The following ACIN1 variants were observed in gnomAD, a reference collection of about 807,000 sequenced individuals.
The protein encoded by ACIN1 is apoptotic chromatin condensation inducer 1.
ACIN1 carries 16 observed loss-of-function variants against 146.6 expected under a neutral mutation model. That is an observed-to-expected ratio of 0.11 (90% CI 0.07 to 0.17). The LOEUF is 0.17. ACIN1 is among the 10% of genes least tolerant of loss of function. The probability of loss-of-function intolerance (pLI) is 1.00; values close to 1 mark genes in which losing one functional copy is unlikely to be tolerated. For synonymous variants in ACIN1, 569 were observed against 582.7 expected (o/e 0.98, Z 0.34); for missense variants, 1,357 against 1,609.3 (o/e 0.84, Z 2.68).
chr14:23,090,250 G>T, intron 3 of ACIN1, 149 bp from the exon 4 acceptor site: 1 of 1,106,202 alleles, frequency 9.0e-7, no homozygotes, highest in Non-Finnish European at 1.3e-6. Flanking sequence ...AACTCCCTGG[G>T]ATTCAGCTCT....
At chr14:23,061,843 G>A (rs995516322) in intron 16 of ACIN1, among the ~76,000 whole-genome samples, 4 of 151,938 alleles carry the variant, frequency 2.6e-5, no homozygotes, top group African/African-American at 7.3e-5. Flanking sequence ...GCGTGGTGGC[G>A]GGCGCCTGTA....
At position 23,068,049 on chromosome 14, in the gene ACIN1, C is replaced by T. The variant is rs1432697816; in HGVS notation, c.2265+1427G>A. 3 of 985,860 alleles carry T rather than the reference C, an allele frequency of 3.0e-6. No individual in the cohort carries two copies. Among genetic ancestry groups the T allele is most frequent in the Non-Finnish European group, 3.6e-6 (3 of 829,948 alleles). The allele number at this position is 985,860 out of a possible 1,614,324, so 61.1% of individuals were successfully genotyped here. A position where few individuals can be genotyped will look rare whatever the true frequency, so the allele number is the denominator to read the frequency against. ...AGAAGTTGGAGCAACCAACATGCTG[C>T]CCTTCACCATGGACAACAGGGACCA... On this transcript the variant is annotated intron_variant, in intron 9 of 18. Coordinates refer to ENST00000605057, the MANE Select transcript of ACIN1 (RefSeq NM_001386863.1). The surrounding 1 kb of genome is among the most constrained non-coding windows in gnomAD (Gnocchi z 4.3).
chr14:23,069,291 C>A, intron 9 of ACIN1, 185 bp downstream of exon 9: 2 of 1,300,532 alleles, frequency 1.5e-6, no homozygotes, highest in Non-Finnish European at 2.0e-6. Flanking sequence ...TGAGCCCTGT[C>A]CCCGTCACAA....
upstream of ACIN1, chr14:23,095,323 C>G (rs1215572716): frequency 1.3e-6 from 2 of 1,559,858 alleles, no homozygotes; most frequent in East Asian, 2.3e-5. Flanking sequence ...CCCTGCAGCG[C>G]CCCTTTTCTC....
intron 13 of ACIN1, 71 bp from the exon 14 acceptor site, chr14:23,063,145 C>G (rs952484984): frequency 1.4e-6 from 2 of 1,471,382 alleles, no homozygotes; most frequent in African/African-American, 2.8e-5. Context: ...CAATGTAACT[C>G]TCACGGTTCC....
rs747738693 is a variant in ACIN1, at chr14:23,061,334, G to A, written c.3388C>T (p.Arg1130Cys). The change falls in exon 17 of 19, where the codon CGT (arginine) becomes TGT (cysteine). Residue 1130 changes from arginine to cysteine, a missense_variant. By Grantham distance (180) the Arg-to-Cys change is radical. This residue lies in a region of ACIN1 where 509 missense variants were observed against 719.6 expected (regional missense o/e 0.71). Transcript: ENST00000605057. ...SRSRDRRRKE[R>C]AKSKEKKSEK... Reference sequence around the variant, plus strand: ...CTCTTCTTTTCTTTAGACTTCGCACGTTCCTTGCGGCGGCGGTCACGGGAC... The same window carrying A: ...CTCTTCTTTTCTTTAGACTTCGCACATTCCTTGCGGCGGCGGTCACGGGAC... The A allele has an allele frequency of 7.4e-6, 12 of 1,613,934 alleles. No individual in the cohort carries two copies. The highest frequency in any genetic ancestry group is 1.7e-5 in the Admixed American group (1 of 59,996).
rs1286922855 is a variant in ACIN1 at position 23,080,205 on chromosome 14, T to G, written c.1130A>C (p.Glu377Ala). The G allele has an allele frequency of 6.2e-7, 1 of 1,614,196 alleles. No homozygotes were observed. The change falls in exon 6 of 19, where the codon GAA becomes GCA. Residue 377 changes from glutamate (E) to alanine (A), a missense_variant. Physicochemically the swap from Glu to Ala is moderately radical, Grantham distance 107. This residue lies in a region of ACIN1 where 771 missense variants were observed against 746.6 expected (regional missense o/e 1.03). Transcript: ENST00000605057. ...GCCTTCCATGGGCTCTATTTCTTCT[T>G]CGCTATGGAGCTGTGGATGAGGTGG... The part of the protein sequence containing the change: ...SPPPHPQLHS[E>A]EEIEPMEGPA...
At chr14:23,094,727 T>C (rs2048327972) in intron 1 of ACIN1, 1 of 693,270 alleles carries the variant, frequency 1.4e-6, no homozygotes, top group South Asian at 2.2e-5. Flanking sequence ...GGAAGGAGCT[T>C]AAGACACTCC....
chr14:23,066,068 G>T, intron 9 of ACIN1, 60 bp from the exon 10 acceptor site: 2 of 1,462,134 alleles, frequency 1.4e-6, no homozygotes, highest in Middle Eastern at 1.8e-4. Context: ...CAGAGAGGGG[G>T]GAAGGAGGTT....
At chr14:23,072,400 G>C (rs1484704555) in intron 8 of ACIN1, among the ~76,000 whole-genome samples, 1 of 152,204 alleles carries the variant, frequency 6.6e-6, no homozygotes, top group Admixed American at 6.5e-5. Flanking sequence ...AGGGCTCCAA[G>C]GTGAGGCTCT....
chr14:23,066,213 A>G (rs1373367666), intron 9 of ACIN1: 2 of 527,128 alleles, frequency 3.8e-6, no homozygotes, highest in Non-Finnish European at 6.7e-6. Flanking sequence ...AATGCAAGTT[A>G]GAGAAAAAAA....
At chr14:23,075,745 C>T (rs1459373078) in intron 8 of ACIN1, among the ~76,000 whole-genome samples, 3 of 150,490 alleles carry the variant, frequency 2.0e-5, no homozygotes, top group African/African-American at 7.3e-5. Context: ...GCTCTTGTTG[C>T]CCAGGCTGGA....
At chr14:23,089,067 G>A (rs1376510901) in intron 4 of ACIN1, among the ~76,000 whole-genome samples, 1 of 152,130 alleles carries the variant, frequency 6.6e-6, no homozygotes, top group African/African-American at 2.4e-5. Context: ...TTGAGACACA[G>A]TCTCGCTCTA....
At chr14:23,091,567 GAAA>G (rs779774943) in intron 2 of ACIN1, among the ~76,000 whole-genome samples, 23 of 88,672 alleles carry the variant, frequency 2.6e-4, no homozygotes, top group South Asian at 9.2e-4. Context: ...TCCATCTCAA[GAAA>G]AAAAAAAAAA....
chr14:23,091,093 C>T (rs754168359), intron 2 of ACIN1, among the ~76,000 whole-genome samples: 3 of 151,928 alleles, frequency 2.0e-5, no homozygotes, highest in East Asian at 1.9e-4. Flanking sequence ...TTAGTAGAGA[C>T]GGGGTTTCAC....
intron 4 of ACIN1, among the ~76,000 whole-genome samples, chr14:23,082,692 G>A (rs1224277086): frequency 1.3e-5 from 2 of 151,862 alleles, no homozygotes; most frequent in Admixed American, 6.6e-5. Context: ...TGATCTGCCC[G>A]CCTTGGCCTC....
chr14:23,081,151 C>T (rs1422175620), intron 5 of ACIN1, among the ~76,000 whole-genome samples: 5 of 151,200 alleles, frequency 3.3e-5, no homozygotes, highest in African/African-American at 1.2e-4. Context: ...TCAATTAATA[C>T]GATTATCTTT....
intron 8 of ACIN1, among the ~76,000 whole-genome samples, chr14:23,073,199 C>T (rs2047709472): frequency 1.3e-5 from 2 of 152,196 alleles, no homozygotes; most frequent in South Asian, 4.1e-4. Context: ...ATAATAACTG[C>T]TACTTTATCT....
intron 1 of ACIN1, among the ~76,000 whole-genome samples, chr14:23,093,789 A>G (rs1169888628): frequency 6.6e-6 from 1 of 152,236 alleles, no homozygotes; most frequent in Non-Finnish European, 1.5e-5. Flanking sequence ...ACACAGAATC[A>G]GTGACCTGGC....
Sources: gnomAD v4.1 joint callset for allele counts (sites outside exome capture counted in the v4.1 genomes callset) on GRCh38, gnomAD v4.1.1 for gene constraint, gnomAD v4.1.1 regional missense constraint, Gnocchi (gnomAD v3.1) non-coding constraint, MANE v1.5 for transcripts, NCBI Gene and HGNC (gene_info 2026-07-23, HGNC 2026-07-21) for gene names.